EML5: variants seen among roughly 807,000 people sequenced by gnomAD.
EML5 encodes EMAP like 5, also known as echinoderm microtubule-associated protein-like 5.
A neutral mutation model predicts 250.0 loss-of-function variants in EML5; 120 were observed. The ratio of observed to expected loss-of-function variants is 0.48; its 90% CI spans 0.41 to 0.56. The LOEUF is 0.56. Among genes scored for constraint, EML5 ranks in the 20% least tolerant of loss-of-function variants. The pLI is 0.00. For synonymous variants in EML5, 771 were observed against 806.5 expected (o/e 0.96, Z 0.75); for missense variants, 2,006 against 2,437.6 (o/e 0.82, Z 3.73).
chr14:88,625,080 CCA>C lies in EML5; in HGVS notation c.4786_4787del (p.Trp1596GlufsTer7). ...TGTISGDVCV[W>X]KDHILCRIVA... ...CGATTCTACACAATATGTGATCTTT[CCA>C]CACACAGACATCACCACTGATGGTA... is the stretch of plus-strand genomic sequence containing the variant. On this transcript the variant is annotated frameshift_variant, in exon 36 of 44. Transcript: ENST00000554922. LOFTEE classifies it high-confidence loss of function. 2 of 1,613,938 alleles carry C rather than the reference CCA, an allele frequency of 1.2e-6. No individual in the cohort carries two copies. The highest frequency in any genetic ancestry group is 1.7e-6 in the Non-Finnish European group (2 of 1,179,852).
chr14:88,770,583 C>A (rs2094381306), intron 1 of EML5, among the ~76,000 whole-genome samples: 1 of 152,050 alleles, frequency 6.6e-6, no homozygotes, highest in African/African-American at 2.4e-5. Flanking sequence ...TGGATAGGAG[C>A]TGAATGTATT....
intron 12 of EML5, among the ~76,000 whole-genome samples, chr14:88,705,182 C>T (rs950388): frequency 0.15 from 23,534 of 151,998 alleles, 2,080 homozygotes; most frequent in Admixed American, 0.28. Context: ...CAAATAGATA[C>T]ATAGTGTTCC....
In EML5 at chr14:88,621,130, A is replaced by G. The variant is rs753542387; in HGVS notation, c.5185T>C (p.Trp1729Arg). ...SAAEDGTVRL[W>R]DIADKKMLNK... ...GTACTTACTTTATCAGCAATATCCCAAAGTCTCACTGTCCCATCTTCTGCA... is the reference window on the plus strand; with the variant it reads ...GTACTTACTTTATCAGCAATATCCCGAAGTCTCACTGTCCCATCTTCTGCA... Residue 1729 changes from tryptophan to arginine, a missense_variant, in exon 38 of 44, where the codon TGG (tryptophan) becomes CGG (arginine). Transcript: ENST00000554922. 4.3e-6 allele frequency: 7 copies of G among 1,613,704 alleles called. No individual in the cohort carries two copies. The highest frequency in any genetic ancestry group is 5.9e-6 in the Non-Finnish European group (7 of 1,179,846).
At chr14:88,708,905 T>G (rs576222245) in intron 10 of EML5, among the ~76,000 whole-genome samples, 16 of 152,126 alleles carry the variant, frequency 1.1e-4, no homozygotes, top group African/African-American at 3.4e-4. Context: ...GAGAAAAAAT[T>G]TATCAAGACA....
rs757161621 is a variant in EML5 at position 88,736,481 on chromosome 14, T to G, written c.932A>C (p.Gln311Pro). Residue 311 changes from glutamine to proline, a missense_variant, in exon 7 of 44, where the codon CAA becomes CCA. Gln to Pro is a moderately conservative substitution (Grantham distance 76, BLOSUM62 -1). Around this residue, in one of 7 missense-constraint regions of EML5, gnomAD observed 1,375 missense variants for 1,590.3 expected, o/e 0.86. Transcript: ENST00000554922. ...AATTAGAAAAGGTTTATTTCTTTCT[T>G]GCACCACAATTTCAAAAATTTCACT... ...QDSEIFEIVV[Q>P]ERNKPFLIMQ... 1 of 1,614,080 alleles carries G rather than the reference T, an allele frequency of 6.2e-7. No individual in the cohort carries two copies. The highest frequency in any genetic ancestry group is 2.2e-5 in the East Asian group (1 of 44,888).
At chr14:88,643,101 T>C (rs1567051981) in intron 30 of EML5, 79 bp from the exon 31 acceptor site, 2 of 1,308,832 alleles carry the variant, frequency 1.5e-6, no homozygotes, top group Non-Finnish European at 2.0e-6. Flanking sequence ...TACGTAATAC[T>C]AGTAGTGTCT....
At chr14:88,624,863 G>T in intron 36 of EML5, 107 bp downstream of exon 36, 3 of 1,178,620 alleles carry the variant, frequency 2.5e-6, no homozygotes, top group Non-Finnish European at 3.5e-6. Flanking sequence ...GAGGAGGAAG[G>T]TCGGAGAGGA....
At chr14:88,700,574 C>T (rs1310941400) in intron 14 of EML5, among the ~76,000 whole-genome samples, 1 of 152,124 alleles carries the variant, frequency 6.6e-6, no homozygotes. Flanking sequence ...CCCTCCCCTT[C>T]AGTGGAAAAG....
rs539163379 is a variant in EML5 at position 88,622,853 on chromosome 14, C to T, written c.4899-135G>A. 5.7e-6 allele frequency: 3 copies of T among 525,604 alleles called. No homozygotes were observed. The South Asian group carries it at 1.4e-4, about 24-fold the overall frequency. 32.6% of individuals were successfully genotyped at this position (525,604 alleles called of 1,614,324 possible). On this transcript the variant is annotated intron_variant, in intron 36 of 43. Transcript: ENST00000554922. ...ATATTTATAATTTACCTCTAATATT[C>T]TTGTAAACTTTCTATGGCAATTTGA...
At chr14:88,680,830 AAAG>A (rs1370166881) in intron 21 of EML5, among the ~76,000 whole-genome samples, 7 of 152,304 alleles carry the variant, frequency 4.6e-5, no homozygotes, top group African/African-American at 1.4e-4. Context: ...TCCCACAGGT[AAAG>A]TCCAATCAAA....
At position 88,677,989 on chromosome 14, in the gene EML5, C is replaced by T. The variant is rs138792440; in HGVS notation, c.3124+3901G>A. Among the ~76,000 whole-genome samples, 7 of 152,240 alleles carry T rather than the reference C, an allele frequency of 4.6e-5. No individual in the cohort carries two copies. In the East Asian group the frequency reaches 1.3e-3, roughly 29 times the overall value. ...TCATTCTATTACAAAGATACATGCA[C>T]ACATATGTTCACTGCAGCACTATTC... On this transcript the variant is annotated intron_variant, in intron 21 of 43. Coordinates refer to ENST00000554922, the MANE Select transcript of EML5 (RefSeq NM_183387.3).
At chr14:88,648,001 G>C (rs1003669588) in intron 28 of EML5, among the ~76,000 whole-genome samples, 49 of 152,298 alleles carry the variant, frequency 3.2e-4, no homozygotes, top group African/African-American at 1.1e-3. Flanking sequence ...GGGTTCCCCA[G>C]TCAGTGAATC....
Position 88,664,644 on chromosome 14 carries a change from G to C in EML5, c.3278-20C>G, listed in dbSNP as rs1312566966. The stretch of plus-strand genomic sequence containing the variant: ...CAGAACCTATAATAGAAACATATTT[G>C]CTTGACATTTTCTATCTTTGGAAAT... On this transcript the variant is annotated intron_variant, in intron 22 of 43. Coordinates refer to ENST00000554922, the MANE Select transcript of EML5 (RefSeq NM_183387.3). 1 of 1,592,248 alleles carries C rather than the reference G, an allele frequency of 6.3e-7. No individual in the cohort carries two copies. The highest frequency in any genetic ancestry group is 8.5e-7 in the Non-Finnish European group (1 of 1,173,670).
At chr14:88,688,592 GGA>G in intron 17 of EML5, 119 bp from the exon 18 acceptor site, 1 of 1,020,558 alleles carries the variant, frequency 9.8e-7, no homozygotes, top group Non-Finnish European at 1.5e-6. Flanking sequence ...GCAACAGTAA[GGA>G]GAATTGAAAA....
At chr14:88,653,046 A>ATTCTCTG (rs2091705416) in intron 27 of EML5, among the ~76,000 whole-genome samples, 1 of 152,004 alleles carries the variant, frequency 6.6e-6, no homozygotes, top group Admixed American at 6.6e-5. Context: ...TAGGTATTTT[A>ATTCTCTG]TTCTCTGTGT....
intron 4 of EML5, among the ~76,000 whole-genome samples, chr14:88,743,385 T>A (rs547493199): frequency 1.4e-4 from 21 of 152,014 alleles, no homozygotes; most frequent in Non-Finnish European, 2.5e-4. Context: ...GAATATGTAC[T>A]ATCATTATTT....
intron 32 of EML5, among the ~76,000 whole-genome samples, chr14:88,636,319 A>G (rs910527599): frequency 6.6e-6 from 1 of 152,172 alleles, no homozygotes; most frequent in African/African-American, 2.4e-5. Flanking sequence ...TCTCATGTAC[A>G]CCTTGTTCCA....
chr14:88,722,137 G>A (rs1430659883), intron 8 of EML5, among the ~76,000 whole-genome samples: 1 of 152,222 alleles, frequency 6.6e-6, no homozygotes, highest in African/African-American at 2.4e-5. Context: ...AGGTTGAAGA[G>A]AAATAGGAAT....
Position 88,738,317 on chromosome 14 carries a change from AC to A in EML5, c.847+561del, listed in dbSNP as rs547542139. On this transcript the variant is annotated intron_variant, in intron 6 of 43. Coordinates refer to ENST00000554922, the MANE Select transcript of EML5 (RefSeq NM_183387.3). ...TAAATTACCAGCCCAAGGTCACACA[AC>A]TTGTAGGTGACTGGAATATGGTTTA... 3.7e-4 allele frequency among the ~76,000 whole-genome samples: 57 copies of A among 152,190 alleles called. No homozygotes were observed. The South Asian group carries it at 7.7e-3, about 20-fold the overall frequency.
Sources: gnomAD v4.1 joint callset for allele counts (sites outside exome capture counted in the v4.1 genomes callset) on GRCh38, gnomAD v4.1.1 for gene constraint, gnomAD v4.1.1 regional missense constraint, MANE v1.5 for transcripts, NCBI Gene and HGNC (gene_info 2026-07-23, HGNC 2026-07-21) for gene names.